MTUS2: variants seen among roughly 807,000 people sequenced by gnomAD.
MTUS2 encodes the protein microtubule associated scaffold protein 2.
MTUS2 carries 40 observed loss-of-function variants against 114.1 expected under a neutral mutation model. The ratio of observed to expected loss-of-function variants is 0.35; its 90% CI spans 0.27 to 0.46. The LOEUF is 0.46. MTUS2 is among the 20% of genes least tolerant of loss of function. The pLI is 1.00. For missense variants in MTUS2, 1,679 were observed against 1,705.4 expected, an observed-to-expected ratio of 0.98 and a Z score of 0.27; for synonymous variants, 688 against 672.0, an observed-to-expected ratio of 1.02 and a Z score of -0.37.
chr13:28,990,242 C>A (rs543584307), intron 2 of MTUS2, among the ~76,000 whole-genome samples: 1 of 152,242 alleles, frequency 6.6e-6, no homozygotes, highest in African/African-American at 2.4e-5. Context: ...CTTTTCTATG[C>A]AATTAGGGAC....
chr13:29,453,044 A>G (rs1878841709), intron 9 of MTUS2, among the ~76,000 whole-genome samples: 1 of 152,260 alleles, frequency 6.6e-6, no homozygotes, highest in East Asian at 1.9e-4. Flanking sequence ...TATACAGAAT[A>G]GAAGCAAACC....
intron 6 of MTUS2, among the ~76,000 whole-genome samples, chr13:29,319,091 C>G (rs546287437): frequency 4.6e-5 from 7 of 152,118 alleles, no homozygotes; most frequent in Non-Finnish European, 1.0e-4. Context: ...ATAAGGCACA[C>G]GAGGAGCCTT....
At chr13:28,882,224 A>G (rs1878333971) in intron 2 of MTUS2, among the ~76,000 whole-genome samples, 1 of 151,902 alleles carries the variant, frequency 6.6e-6, no homozygotes, top group South Asian at 2.1e-4. Context: ...CCACCTGGCA[A>G]ATTTTTATAT....
chr13:29,484,941 G>C (rs576599858), intron 10 of MTUS2: 1 of 152,392 alleles, frequency 6.6e-6, no homozygotes, highest in African/African-American at 2.4e-5. Flanking sequence ...GGCAGCTGCG[G>C]GAATGGAGTC....
rs149316720 is a variant in MTUS2, at chr13:29,058,205, AT to A, written c.2446+24093del. On this transcript the variant is annotated intron_variant, in intron 4 of 15. Coordinates refer to ENST00000612955, the MANE Select transcript of MTUS2 (RefSeq NM_001033602.4). ...CTTTTTCTCTCTAGCTGCCTTTAAC[AT>A]TTTTTTTTTTTTCATTTTGACTTTG... 3.1e-3 allele frequency among the ~76,000 whole-genome samples: 426 copies of A among 138,858 alleles called. 1 individual carries two copies. Among genetic ancestry groups the A allele is most frequent in the Middle Eastern group, 0.015 (4 of 268 alleles). The allele number at this position is 138,858 out of a possible 152,430, so 91.1% of individuals were successfully genotyped here.
At chr13:29,340,880 A>T (rs1409301525) in intron 7 of MTUS2, among the ~76,000 whole-genome samples, 1 of 152,212 alleles carries the variant, frequency 6.6e-6, no homozygotes, top group Non-Finnish European at 1.5e-5. Flanking sequence ...GCTCCCACTT[A>T]TGAGTGAGAA....
At chr13:29,239,149 A>G (rs1232843740) in intron 5 of MTUS2, among the ~76,000 whole-genome samples, 2 of 152,218 alleles carry the variant, frequency 1.3e-5, no homozygotes, top group African/African-American at 2.4e-5. Flanking sequence ...GAGGTGGTGA[A>G]TGTATTAATT....
At chr13:29,493,066 A>T (rs535796964) in intron 12 of MTUS2, among the ~76,000 whole-genome samples, 17 of 152,170 alleles carry the variant, frequency 1.1e-4, no homozygotes, top group Non-Finnish European at 2.2e-4. Context: ...GGGGGAAGAG[A>T]GTGTTCTAGG....
rs1353885962 is a variant in MTUS2, at chr13:29,389,443, G to GTA, written c.3117+29972_3117+29973dup. 8.9e-3 allele frequency among the ~76,000 whole-genome samples: 725 copies of GTA among 81,232 alleles called. 78 individuals are homozygous for GTA. The highest frequency in any genetic ancestry group is 0.022 in the African/African-American group (405 of 18,408). 53.3% of individuals were successfully genotyped at this position (81,232 alleles called of 152,430 possible). On this transcript the variant is annotated intron_variant, in intron 8 of 15. Coordinates refer to ENST00000612955, the MANE Select transcript of MTUS2 (RefSeq NM_001033602.4). ...TGTATGTATACACGTGTGTGTATGT[G>GTA]TATGTATACACGTGTGTGTATGTGT...
intron 7 of MTUS2, among the ~76,000 whole-genome samples, chr13:29,327,475 AT>A (rs1900574072): frequency 1.3e-5 from 2 of 152,324 alleles, no homozygotes; most frequent in Admixed American, 6.5e-5. Flanking sequence ...ATTTTCTAAA[AT>A]TTTATATAAA....
At chr13:29,258,457 A>G (rs1215989446) in intron 5 of MTUS2, among the ~76,000 whole-genome samples, 1 of 152,210 alleles carries the variant, frequency 6.6e-6, no homozygotes, top group Admixed American at 6.5e-5. Flanking sequence ...ACTGTGCCAC[A>G]GAACATAACC....
intron 4 of MTUS2, 40 bp downstream of exon 4, chr13:29,034,165 TTTA>T (rs781176913): frequency 6.2e-6 from 10 of 1,610,448 alleles, no homozygotes; most frequent in Non-Finnish European, 8.5e-6. Context: ...CTGCTGTACG[TTTA>T]GATAGTCATC....
intron 2 of MTUS2, among the ~76,000 whole-genome samples, chr13:28,973,522 A>ATGT (rs1237418165): frequency 6.6e-6 from 1 of 152,188 alleles, no homozygotes; most frequent in Admixed American, 6.5e-5. Context: ...GCTATCCTGA[A>ATGT]TGTTGCCAAA....
intron 2 of MTUS2, among the ~76,000 whole-genome samples, chr13:29,017,391 T>C (rs1239756036): frequency 1.3e-5 from 2 of 152,150 alleles, no homozygotes; most frequent in East Asian, 3.9e-4. Flanking sequence ...GGCATGGTGG[T>C]TGAATGTACA....
At chr13:29,064,807 G>A (rs1888590227) in intron 4 of MTUS2, among the ~76,000 whole-genome samples, 1 of 152,054 alleles carries the variant, frequency 6.6e-6, no homozygotes, top group Non-Finnish European at 1.5e-5. Context: ...GCAGGCTCCA[G>A]TGTCTGCTTC....
chr13:28,900,347 G>C (rs924503731), intron 2 of MTUS2, among the ~76,000 whole-genome samples: 2 of 152,062 alleles, frequency 1.3e-5, no homozygotes, highest in Non-Finnish European at 2.9e-5. Context: ...ATCAGTGTGG[G>C]TTCATGTATC....
chr13:29,168,917 T>TGTGTGTGTGTGTGTGG (rs1200390555), intron 5 of MTUS2, among the ~76,000 whole-genome samples: 2 of 151,810 alleles, frequency 1.3e-5, no homozygotes, highest in African/African-American at 4.8e-5. Context: ...TGTGTGTGTG[T>TGTGTGTGTGTGTGTGG]GAAGAATATG....
chr13:29,258,631 T>C (rs942095636), intron 5 of MTUS2, among the ~76,000 whole-genome samples: 7 of 152,258 alleles, frequency 4.6e-5, no homozygotes, highest in Non-Finnish European at 4.4e-5. Context: ...AAACATTTTC[T>C]TTTTTGGGGT....
At chr13:29,421,842 A>C (rs1422837072) in intron 8 of MTUS2, among the ~76,000 whole-genome samples, 2 of 152,192 alleles carry the variant, frequency 1.3e-5, no homozygotes, top group Non-Finnish European at 2.9e-5. Context: ...AGTTTAAGCC[A>C]AGGAAACTTG....
Sources: gnomAD v4.1 joint callset for allele counts (sites outside exome capture counted in the v4.1 genomes callset) on GRCh38, gnomAD v4.1.1 for gene constraint, MANE v1.5 for transcripts, NCBI Gene and HGNC (gene_info 2026-07-23, HGNC 2026-07-21) for gene names.